The following ANK3 variants were observed in gnomAD, a reference collection of about 807,000 sequenced individuals.
The protein encoded by ANK3 is ankyrin-3.
ANK3 carries 57 observed loss-of-function variants against 370.9 expected under a neutral mutation model. The ratio of observed to expected loss-of-function variants is 0.15; its 90% CI spans 0.12 to 0.19. The LOEUF is 0.19. Ranked by LOEUF, ANK3 falls within the 10% of genes least tolerant of loss-of-function variation. ANK3 has a pLI of 1.00. For synonymous variants in ANK3, 1,929 were observed against 1,946.3 expected, an observed-to-expected ratio of 0.99 and a Z score of 0.23; for missense variants, 4,439 against 5,302.1, an observed-to-expected ratio of 0.84 and a Z score of 5.06.
intron 43 of ANK3, among the ~76,000 whole-genome samples, chr10:60,039,860 G>A (rs1277604965): frequency 6.6e-6 from 1 of 152,106 alleles, no homozygotes; most frequent in Non-Finnish European, 1.5e-5. Context: ...AATAATTTTA[G>A]AGAGATAGCT....
intron 1 of ANK3, among the ~76,000 whole-genome samples, chr10:60,347,262 C>A (rs1263310398): frequency 6.6e-6 from 1 of 151,880 alleles, no homozygotes; most frequent in Admixed American, 6.6e-5. Flanking sequence ...CCCCCCTAGT[C>A]TAGAAGAGTT....
At chr10:60,529,114 G>A (rs1398563825) in intron 2 of ANK3, among the ~76,000 whole-genome samples, 2 of 152,056 alleles carry the variant, frequency 1.3e-5, no homozygotes, top group African/African-American at 2.4e-5. Context: ...GAAGGTATGT[G>A]CAAAGAACCA....
intron 1 of ANK3, among the ~76,000 whole-genome samples, chr10:60,336,819 C>T (rs1258853228): frequency 6.6e-6 from 1 of 152,150 alleles, no homozygotes; most frequent in Non-Finnish European, 1.5e-5. Flanking sequence ...AGTGTATATT[C>T]AGTAAGAAAA....
At chr10:60,282,952 T>C (rs1166071825) in intron 1 of ANK3, among the ~76,000 whole-genome samples, 1 of 152,144 alleles carries the variant, frequency 6.6e-6, no homozygotes, top group Non-Finnish European at 1.5e-5. Flanking sequence ...AAGTTCCTCC[T>C]TTTACTCTTA....
chr10:60,395,582 T>TTCTG (rs1228417745), intron 2 of ANK3, among the ~76,000 whole-genome samples: 1 of 126,400 alleles, frequency 7.9e-6, no homozygotes, highest in African/African-American at 3.2e-5. Flanking sequence ...CTTTCTTTCT[T>TTCTG]TCTTTCTTTC....
At chr10:60,623,351 A>C (rs186924805) in intron 1 of ANK3, among the ~76,000 whole-genome samples, 141 of 152,334 alleles carry the variant, frequency 9.3e-4, no homozygotes, top group African/African-American at 2.7e-3. Flanking sequence ...TATTTTAAGC[A>C]ATTAAGCTTT....
intron 2 of ANK3, among the ~76,000 whole-genome samples, chr10:60,438,456 CTAACCT>C (rs1277556629): frequency 6.6e-6 from 1 of 152,088 alleles, no homozygotes; most frequent in East Asian, 1.9e-4. Context: ...CTTTGAAGAC[CTAACCT>C]AGTTCCCACA....
At chr10:60,439,970 C>G (rs114407807) in intron 2 of ANK3, among the ~76,000 whole-genome samples, 41 of 152,280 alleles carry the variant, frequency 2.7e-4, no homozygotes, top group African/African-American at 9.9e-4. Flanking sequence ...TTAATACATT[C>G]TGCACTCTGA....
intron 2 of ANK3, among the ~76,000 whole-genome samples, chr10:60,597,807 G>A (rs981945168): frequency 2.0e-5 from 3 of 152,118 alleles, no homozygotes; most frequent in African/African-American, 4.8e-5. Context: ...AATAGGAACT[G>A]CAACCCTTTC....
chr10:60,682,511 GTTAGGCCGCAGGCACAGGCCTC>G (rs895969947), intron 1 of ANK3, among the ~76,000 whole-genome samples: 2 of 151,898 alleles, frequency 1.3e-5, no homozygotes, highest in African/African-American at 4.8e-5. Context: ...TATTGGGTGT[GTTAGGCCGCAGGCACAGGCCTC>G]TTACCTTCTC....
chr10:60,109,069 T>A lies in ANK3; in HGVS notation c.2949-15A>T, dbSNP rs763224367. ...TAACCAGAAACCTGAGGGGAGAAGA[T>A]CAGAGGCCAATTCAAGGACGGAAAT... On this transcript the variant is annotated splice_polypyrimidine_tract_variant and intron_variant, in intron 26 of 43. Transcript: ENST00000280772. The A allele has an allele frequency of 6.2e-7, 1 of 1,601,416 alleles. No homozygotes were observed. The highest frequency in any genetic ancestry group is 8.5e-7 in the Non-Finnish European group (1 of 1,170,348).
At chr10:60,329,271 A>C (rs188641070) in intron 1 of ANK3, among the ~76,000 whole-genome samples, 12 of 152,288 alleles carry the variant, frequency 7.9e-5, no homozygotes, top group Admixed American at 7.8e-4. Context: ...ATAGTATTGG[A>C]AGGTCTGGCC....
rs951958447 is a variant in ANK3 at position 60,191,010 on chromosome 10, G to A, written c.1888-4098C>T. Among the ~76,000 whole-genome samples, 93 of 152,134 alleles carry A rather than the reference G, an allele frequency of 6.1e-4. 4 individuals are homozygous for A. Among genetic ancestry groups the A allele is most frequent in the Non-Finnish European group, 1.5e-5 (1 of 68,034 alleles). The stretch of plus-strand genomic sequence containing the variant: ...AAGGACATCCTATTCAATAAATGGT[G>A]CTAGGAAAATTTGATAGCCAGATGA... On this transcript the variant is annotated intron_variant, in intron 16 of 43. Coordinates refer to ENST00000280772, the MANE Select transcript of ANK3 (RefSeq NM_020987.5).
In ANK3 at chr10:60,072,048, G is replaced by A. The variant is rs749376047; in HGVS notation, c.8833C>T (p.Leu2945Phe). 2.5e-6 allele frequency: 4 copies of A among 1,614,100 alleles called. No individual in the cohort carries two copies. In the Admixed American group the frequency reaches 5.0e-5, roughly 20 times the overall value. Residue 2945 changes from leucine (L) to phenylalanine (F), a missense_variant, in exon 37 of 44, where the codon CTT becomes TTT. By Grantham distance (22) the Leu-to-Phe change is conservative (BLOSUM62 0). This residue lies in a region of ANK3 where 1,601 missense variants were observed against 1,731.7 expected (regional missense o/e 0.92). Transcript: ENST00000280772. ...VKEGDHPGGL[L>F]DQPSRRSESS... ...TCGCTCCTCCTGGAAGGCTGATCAA[G>A]CAATCCGCCTGGATGGTCCCCTTCT...
intron 1 of ANK3, among the ~76,000 whole-genome samples, chr10:60,680,733 G>A (rs769564065): frequency 5.9e-5 from 9 of 152,124 alleles, no homozygotes; most frequent in Non-Finnish European, 1.3e-4. Context: ...TATCTTCCCC[G>A]TTGATAAGAC....
At chr10:60,543,043 A>C (rs556292144) in intron 2 of ANK3, among the ~76,000 whole-genome samples, 1 of 152,088 alleles carries the variant, frequency 6.6e-6, no homozygotes, top group East Asian at 1.9e-4. Flanking sequence ...ATAGTCCTTA[A>C]GGGATTGTGC....
At chr10:60,570,577 A>G (rs1046601429) in intron 2 of ANK3, among the ~76,000 whole-genome samples, 4 of 152,142 alleles carry the variant, frequency 2.6e-5, no homozygotes, top group African/African-American at 9.7e-5. Flanking sequence ...GAGGGGGAAA[A>G]AAACAGAAAT....
intron 31 of ANK3, 112 bp downstream of exon 31, chr10:60,085,045 G>A (rs1356967421): frequency 4.4e-6 from 4 of 911,338 alleles, no homozygotes; most frequent in African/African-American, 1.7e-5. Context: ...AAATACTACG[G>A]ATTTTTTTTC....
chr10:60,360,047 G>T (rs1397019059), intron 1 of ANK3, among the ~76,000 whole-genome samples: 2 of 152,122 alleles, frequency 1.3e-5, no homozygotes, highest in Non-Finnish European at 2.9e-5. Flanking sequence ...ATTCCTAAAA[G>T]ATATCTAAAA....
Sources: gnomAD v4.1 joint callset for allele counts (sites outside exome capture counted in the v4.1 genomes callset) on GRCh38, gnomAD v4.1.1 for gene constraint, gnomAD v4.1.1 regional missense constraint, MANE v1.5 for transcripts, NCBI Gene and HGNC (gene_info 2026-07-23, HGNC 2026-07-21) for gene names.